ADGRB3: variants seen among roughly 807,000 people sequenced by gnomAD.
ADGRB3 encodes adhesion G protein-coupled receptor B3.
ADGRB3 carries 37 observed loss-of-function variants against 193.4 expected under a neutral mutation model. The ratio of observed to expected loss-of-function variants is 0.19; its 90% CI spans 0.15 to 0.25. The LOEUF is 0.25. Ranked by LOEUF, ADGRB3 falls within the 10% of genes least tolerant of loss-of-function variation. The pLI is 1.00. For synonymous variants in ADGRB3, 690 were observed against 644.2 expected (o/e 1.07, Z -1.08); for missense variants, 1,637 against 1,852.9 (o/e 0.88, Z 2.14).
intron 20 of ADGRB3, among the ~76,000 whole-genome samples, chr6:69,280,634 A>G (rs2127285348): frequency 6.6e-6 from 1 of 152,332 alleles, no homozygotes; most frequent in South Asian, 2.1e-4. Context: ...AGCCTGATAC[A>G]AACATAGCAA....
At chr6:69,203,706 ATCATTACATCTTTCT>A (rs1276091199) in intron 17 of ADGRB3, among the ~76,000 whole-genome samples, 1 of 152,154 alleles carries the variant, frequency 6.6e-6, no homozygotes, top group Non-Finnish European at 1.5e-5. Flanking sequence ...ACTCTCATGT[ATCATTACATCTTTCT>A]TCTAAACTAA....
intron 29 of ADGRB3, 98 bp from the exon 30 acceptor site, chr6:69,372,308 G>A (rs1769723096): frequency 3.2e-6 from 2 of 633,980 alleles, no homozygotes; most frequent in Admixed American, 4.0e-5. Context: ...AAACAAGCAG[G>A]ATTATCTTTA....
chr6:69,018,090 A>G (rs559619543), intron 12 of ADGRB3, among the ~76,000 whole-genome samples: 22 of 152,066 alleles, frequency 1.4e-4, no homozygotes, highest in African/African-American at 5.3e-4. Flanking sequence ...AAGTGATGAA[A>G]AGAGTTCATC....
intron 17 of ADGRB3, among the ~76,000 whole-genome samples, chr6:69,106,234 GTTATT>G (rs781510087): frequency 2.7e-5 from 4 of 147,488 alleles, no homozygotes; most frequent in Non-Finnish European, 4.5e-5. Context: ...AATTTGTTAT[GTTATT>G]TTATGTTATT....
intron 3 of ADGRB3, among the ~76,000 whole-genome samples, chr6:68,758,456 G>A (rs758037629): frequency 3.9e-5 from 6 of 152,086 alleles, no homozygotes; most frequent in East Asian, 1.9e-4. Flanking sequence ...ACACAGTATC[G>A]ACAAAGTTTC....
intron 11 of ADGRB3, among the ~76,000 whole-genome samples, chr6:69,001,871 C>T (rs1769588798): frequency 6.6e-6 from 1 of 152,170 alleles, no homozygotes; most frequent in African/African-American, 2.4e-5. Flanking sequence ...CACACAGTTA[C>T]ATTAACATGC....
At chr6:68,683,175 G>A (rs942759132) in intron 3 of ADGRB3, among the ~76,000 whole-genome samples, 4 of 152,126 alleles carry the variant, frequency 2.6e-5, no homozygotes, top group African/African-American at 9.7e-5. Flanking sequence ...CTGGAAACAT[G>A]TAAAGTTGGG....
intron 20 of ADGRB3, among the ~76,000 whole-genome samples, chr6:69,308,322 T>G (rs2127299284): frequency 6.6e-6 from 1 of 151,584 alleles, no homozygotes; most frequent in African/African-American, 2.4e-5. Context: ...GTACTAGGTA[T>G]TAAATACTAT....
intron 27 of ADGRB3, 33 bp downstream of exon 27, chr6:69,354,361 A>G (rs1582652315): frequency 1.3e-6 from 2 of 1,524,672 alleles, no homozygotes; most frequent in East Asian, 4.5e-5. Flanking sequence ...TTGTTAATTA[A>G]CTCATGATTT....
intron 8 of ADGRB3, among the ~76,000 whole-genome samples, chr6:68,959,056 G>T (rs1164948570): frequency 3.3e-5 from 5 of 151,700 alleles, no homozygotes; most frequent in Non-Finnish European, 7.4e-5. Flanking sequence ...TTACAAAAGG[G>T]GTTTTTCTTT....
chr6:69,134,175 A>G (rs1774087699), intron 17 of ADGRB3, among the ~76,000 whole-genome samples: 1 of 152,028 alleles, frequency 6.6e-6, no homozygotes, highest in South Asian at 2.1e-4. Context: ...GGTCCTCTTG[A>G]ATATGCTTTA....
chr6:69,009,959 G>A (rs912774247), intron 11 of ADGRB3, among the ~76,000 whole-genome samples: 1 of 151,994 alleles, frequency 6.6e-6, no homozygotes, highest in Admixed American at 6.6e-5. Context: ...TGAGAAATCT[G>A]CCAAGTGGAT....
chr6:68,914,924 C>G (rs1766834190), intron 3 of ADGRB3, among the ~76,000 whole-genome samples: 1 of 152,124 alleles, frequency 6.6e-6, no homozygotes, highest in Admixed American at 6.5e-5. Context: ...CAAATAAAAT[C>G]TACAAAACAG....
intron 18 of ADGRB3, 131 bp downstream of exon 18, chr6:69,233,547 C>G: frequency 8.2e-7 from 1 of 1,215,034 alleles, no homozygotes. Flanking sequence ...TTCGTCTCCT[C>G]CTTAGCTATA....
chr6:68,641,729 A>G (rs557147887), intron 3 of ADGRB3, among the ~76,000 whole-genome samples: 1 of 152,212 alleles, frequency 6.6e-6, no homozygotes, highest in South Asian at 2.1e-4. Flanking sequence ...TACATGTACC[A>G]CTCTTTACCC....
intron 20 of ADGRB3, among the ~76,000 whole-genome samples, chr6:69,295,781 C>G (rs1767803078): frequency 6.6e-6 from 1 of 152,132 alleles, no homozygotes; most frequent in African/African-American, 2.4e-5. Context: ...TTAATGGAGT[C>G]AGAGAAGGAA....
At chr6:69,217,635 A>T (rs1489307092) in intron 17 of ADGRB3, among the ~76,000 whole-genome samples, 1 of 152,124 alleles carries the variant, frequency 6.6e-6, no homozygotes, top group African/African-American at 2.4e-5. Flanking sequence ...GCACATCTCA[A>T]CTCTGGTTGG....
In ADGRB3 at chr6:68,752,137, T is replaced by C. The variant is rs1442043103; in HGVS notation, c.757+112705T>C. Among the ~76,000 whole-genome samples, 3 of 152,198 alleles carry C rather than the reference T, an allele frequency of 2.0e-5. No homozygotes were observed. In the East Asian group the frequency reaches 5.8e-4, roughly 29 times the overall value. ...TTTGAGGTGATTTGTAAGCAATATATAAACAAATGCAAGAAAATGCACTTT... is the reference window on the plus strand; with the variant it reads ...TTTGAGGTGATTTGTAAGCAATATACAAACAAATGCAAGAAAATGCACTTT... On this transcript the variant is annotated intron_variant, in intron 3 of 31. Coordinates refer to ENST00000370598, the MANE Select transcript of ADGRB3 (RefSeq NM_001704.3).
intron 17 of ADGRB3, among the ~76,000 whole-genome samples, chr6:69,193,483 C>G (rs755975456): frequency 6.6e-6 from 1 of 152,070 alleles, no homozygotes; most frequent in East Asian, 1.9e-4. Context: ...CTTGTTACCT[C>G]AATCTCATAG....
Sources: allele counts gnomAD v4.1 joint callset (sites outside exome capture counted in the v4.1 genomes callset), GRCh38; gene constraint gnomAD v4.1.1; transcripts MANE v1.5; gene names NCBI Gene and HGNC (gene_info 2026-07-23, HGNC 2026-07-21).